The following SPMIP3 variants were observed in gnomAD, a reference collection of about 807,000 sequenced individuals.
SPMIP3 encodes the protein sperm microtubule inner protein 3, also known as protein SPMIP3.
the SPMIP3 span, among the ~76,000 whole-genome samples, chr1:244,367,771 T>G: frequency 6.8e-6 from 1 of 147,604 alleles, no homozygotes; most frequent in Admixed American, 6.6e-5. Flanking sequence ...TTGTTTCCAT[T>G]TTCCCCAGAT....
the SPMIP3 span, among the ~76,000 whole-genome samples, chr1:244,359,217 C>G: frequency 6.6e-6 from 1 of 151,976 alleles, no homozygotes; most frequent in African/African-American, 2.4e-5. Flanking sequence ...TAACCACTCC[C>G]AGACAAGGTC....
chr1:244,369,214 G>A, the SPMIP3 span, among the ~76,000 whole-genome samples: 1 of 152,194 alleles, frequency 6.6e-6, no homozygotes, highest in African/African-American at 2.4e-5. Flanking sequence ...CCTGGCTACA[G>A]GCTGGAGGCC....
chr1:244,361,498 G>A, the SPMIP3 span, among the ~76,000 whole-genome samples: 2 of 151,676 alleles, frequency 1.3e-5, no homozygotes, highest in Non-Finnish European at 2.9e-5. Context: ...CAAAGTGCTG[G>A]GATTACAGGC....
chr1:244,365,418 TG>T, the SPMIP3 span, among the ~76,000 whole-genome samples: 1 of 152,160 alleles, frequency 6.6e-6, no homozygotes, highest in Non-Finnish European at 1.5e-5. Context: ...GTTTTATAAG[TG>T]GGAGTTCCCC....
At chr1:244,377,963 G>A in the SPMIP3 span, among the ~76,000 whole-genome samples, 1 of 151,974 alleles carries the variant, frequency 6.6e-6, no homozygotes, top group African/African-American at 2.4e-5. Context: ...ACACCCCCAC[G>A]CCTGGCTAAT....
chr1:244,370,223 AAGG>A, the SPMIP3 span, among the ~76,000 whole-genome samples: 4 of 152,330 alleles, frequency 2.6e-5, no homozygotes, highest in Admixed American at 2.6e-4. Flanking sequence ...GCAATCATTA[AAGG>A]AGAAGACAGT....
the SPMIP3 span, among the ~76,000 whole-genome samples, chr1:244,362,198 C>T: frequency 1.3e-5 from 2 of 152,180 alleles, no homozygotes; most frequent in East Asian, 1.9e-4. Context: ...TAACCGTTGT[C>T]TATGAAAGGG....
chr1:244,377,522 A>G, the SPMIP3 span, among the ~76,000 whole-genome samples: 1 of 152,172 alleles, frequency 6.6e-6, no homozygotes, highest in African/African-American at 2.4e-5. Flanking sequence ...CACTCTTTTT[A>G]TTATCATAAA....
the SPMIP3 span, chr1:244,364,844 G>GTAGTCTC: frequency 5.2e-6 from 7 of 1,353,296 alleles, no homozygotes; most frequent in Non-Finnish European, 7.4e-6. Flanking sequence ...CTGCTGCTCA[G>GTAGTCTC]TGGTCCAGAG....
chr1:244,385,474 T>C, the SPMIP3 span, among the ~76,000 whole-genome samples: 1 of 152,190 alleles, frequency 6.6e-6, no homozygotes, highest in Non-Finnish European at 1.5e-5. Context: ...GAGGATAAGA[T>C]GGCCCCTCAG....
At chr1:244,364,744 T>A in the SPMIP3 span, 4 of 1,614,122 alleles carry the variant, frequency 2.5e-6, no homozygotes, top group East Asian at 2.2e-5. Flanking sequence ...CGTCGCCCAG[T>A]GATCCCGCCA....
At chr1:244,387,739 T>C in the SPMIP3 span, among the ~76,000 whole-genome samples, 1 of 152,048 alleles carries the variant, frequency 6.6e-6, no homozygotes, top group Non-Finnish European at 1.5e-5. Flanking sequence ...AGGATATCAG[T>C]GTTTCAGGTG....
chr1:244,353,114 C>T, the SPMIP3 span, among the ~76,000 whole-genome samples: 12 of 152,328 alleles, frequency 7.9e-5, no homozygotes, highest in African/African-American at 2.6e-4. Flanking sequence ...GCATCAAGCA[C>T]TCCTTGGACA....
chr1:244,374,587 CTTTTTTTTTTTTTTTT>C, the SPMIP3 span, among the ~76,000 whole-genome samples: 2 of 74,616 alleles, frequency 2.7e-5, no homozygotes, highest in African/African-American at 5.7e-5. Flanking sequence ...CCACATTTCT[CTTTTTTTTTTTTTTTT>C]TTTTTTTTTT....
chr1:244,382,777 T>C, the SPMIP3 span, among the ~76,000 whole-genome samples: 1 of 151,948 alleles, frequency 6.6e-6, no homozygotes, highest in Non-Finnish European at 1.5e-5. Context: ...CTAATTTTTG[T>C]ATTTTTAGTA....
chr1:244,367,103 G>A, the SPMIP3 span, among the ~76,000 whole-genome samples: 1 of 152,080 alleles, frequency 6.6e-6, no homozygotes, highest in Non-Finnish European at 1.5e-5. Flanking sequence ...GTCTAGGGAG[G>A]AGGAAGTGCA....
chr1:244,389,076 C>T, the SPMIP3 span: 5 of 1,598,972 alleles, frequency 3.1e-6, no homozygotes, highest in East Asian at 8.9e-5. Flanking sequence ...ATAACCACGG[C>T]ATTCGAACAA....
the SPMIP3 span, among the ~76,000 whole-genome samples, chr1:244,385,981 T>C: frequency 6.7e-6 from 1 of 148,422 alleles, no homozygotes; most frequent in African/African-American, 2.5e-5. Flanking sequence ...TTAGCCAACA[T>C]AGTGAAACCC....
the SPMIP3 span, among the ~76,000 whole-genome samples, chr1:244,384,228 G>A: frequency 1.3e-5 from 2 of 152,096 alleles, no homozygotes; most frequent in Non-Finnish European, 2.9e-5. Flanking sequence ...TTTGAGACAG[G>A]GTCTCACTCC....
Sources: allele counts gnomAD v4.1 joint callset (sites outside exome capture counted in the v4.1 genomes callset), GRCh38; gene constraint gnomAD v4.1.1; transcripts MANE v1.5; gene names NCBI Gene and HGNC (gene_info 2026-07-23, HGNC 2026-07-21).